The following COL28A1 variants were observed in gnomAD, a reference collection of about 807,000 sequenced individuals.
The protein encoded by COL28A1 is collagen alpha-1(XXVIII) chain.
Under a neutral mutation model 150.2 loss-of-function variants are expected in COL28A1, and 161 were observed. The observed-to-expected ratio is 1.07, with a 90% CI of 0.94 to 1.22. COL28A1 has a LOEUF of 1.22. COL28A1 is among the 50% of genes most tolerant of loss of function. COL28A1 has a pLI of 0.00. For synonymous variants in COL28A1, 552 were observed against 469.7 expected (o/e 1.18, Z -2.26); for missense variants, 1,617 against 1,388.3 (o/e 1.16, Z -2.62).
intron 27 of COL28A1, among the ~76,000 whole-genome samples, chr7:7,391,151 T>G (rs773962960): frequency 2.6e-5 from 4 of 152,238 alleles, no homozygotes; most frequent in Non-Finnish European, 5.9e-5. Flanking sequence ...GCTTTAGCTG[T>G]GGCTCAGAGA....
At chr7:7,367,534 G>A (rs532220547) in intron 33 of COL28A1, among the ~76,000 whole-genome samples, 3 of 152,230 alleles carry the variant, frequency 2.0e-5, no homozygotes, top group Admixed American at 6.5e-5. Flanking sequence ...TTCCCCTAGA[G>A]AGACCTAGCT....
chr7:7,443,932 G>T (rs1343350712), intron 19 of COL28A1, among the ~76,000 whole-genome samples: 1 of 148,014 alleles, frequency 6.8e-6, no homozygotes, highest in African/African-American at 2.5e-5. Flanking sequence ...CTCTTCATTC[G>T]CATTTGGTAG....
intron 30 of COL28A1, among the ~76,000 whole-genome samples, chr7:7,375,777 T>C (rs1417722132): frequency 6.6e-6 from 1 of 152,180 alleles, no homozygotes; most frequent in Non-Finnish European, 1.5e-5. Context: ...GCCCTAACAG[T>C]ATCTGTGTCT....
chr7:7,452,231 CAG>C (rs769241313), intron 18 of COL28A1, 86 bp downstream of exon 18: 1 of 1,537,830 alleles, frequency 6.5e-7, no homozygotes, highest in Non-Finnish European at 8.7e-7. Context: ...ATAACACACA[CAG>C]AGTCTGTAAG....
intron 18 of COL28A1, among the ~76,000 whole-genome samples, chr7:7,445,915 G>C (rs1436463517): frequency 1.3e-5 from 2 of 150,378 alleles, no homozygotes; most frequent in Non-Finnish European, 2.9e-5. Context: ...GGCTTGTTCA[G>C]TGGTATGATC....
intron 33 of COL28A1, among the ~76,000 whole-genome samples, chr7:7,363,027 A>T (rs961735078): frequency 2.0e-5 from 3 of 152,164 alleles, no homozygotes; most frequent in African/African-American, 7.2e-5. Flanking sequence ...AACTTTCCAA[A>T]AGTTATTGGT....
chr7:7,371,911 T>C (rs7798333), intron 32 of COL28A1, among the ~76,000 whole-genome samples: 137,035 of 151,850 alleles, frequency 0.9, 61,957 homozygotes, highest in East Asian at 1. Flanking sequence ...CGGCTCACTG[T>C]AACCTCCGCC....
chr7:7,358,906 G>A, intron 34 of COL28A1, 101 bp from the exon 35 acceptor site: 4 of 957,732 alleles, frequency 4.2e-6, no homozygotes, highest in Non-Finnish European at 6.0e-6. Context: ...TATTCTTCAT[G>A]CACACTAACA....
intron 15 of COL28A1, among the ~76,000 whole-genome samples, chr7:7,472,000 T>C (rs532147664): frequency 1.7e-4 from 26 of 152,256 alleles, no homozygotes; most frequent in East Asian, 7.7e-4. Flanking sequence ...CTCAGCAAAA[T>C]TGGCATACAA....
chr7:7,506,462 T>G (rs192433875), intron 10 of COL28A1, among the ~76,000 whole-genome samples: 6 of 152,332 alleles, frequency 3.9e-5, no homozygotes, highest in African/African-American at 9.6e-5. Context: ...TGCCTGGCTC[T>G]GACATTTCCA....
At chr7:7,474,386 A>G (rs1055541278) in intron 15 of COL28A1, among the ~76,000 whole-genome samples, 2 of 152,090 alleles carry the variant, frequency 1.3e-5, no homozygotes, top group African/African-American at 4.8e-5. Flanking sequence ...ACAAATCACC[A>G]CTAAAGAACT....
chr7:7,367,066 TA>T (rs2128281200), intron 33 of COL28A1, among the ~76,000 whole-genome samples: 1 of 152,328 alleles, frequency 6.6e-6, no homozygotes, highest in South Asian at 2.1e-4. Context: ...CCGATTATAA[TA>T]CTGTATTTTT....
intron 27 of COL28A1, among the ~76,000 whole-genome samples, chr7:7,400,977 T>G (rs73674523): frequency 0.054 from 2,604 of 48,394 alleles, 58 homozygotes; most frequent in African/African-American, 0.076. Context: ...GGTATTTGGG[T>G]GTGTGTGTGT....
At chr7:7,378,753 T>G (rs898963725) in intron 30 of COL28A1, among the ~76,000 whole-genome samples, 1 of 152,168 alleles carries the variant, frequency 6.6e-6, no homozygotes, top group Non-Finnish European at 1.5e-5. Context: ...CAACCTGACT[T>G]GTGTGTCTCC....
intron 26 of COL28A1, among the ~76,000 whole-genome samples, chr7:7,419,007 C>G (rs1006894773): frequency 6.6e-6 from 1 of 152,134 alleles, no homozygotes; most frequent in Non-Finnish European, 1.5e-5. Flanking sequence ...AGAATGGGCT[C>G]TAATTCACTT....
intron 27 of COL28A1, among the ~76,000 whole-genome samples, chr7:7,408,130 C>A (rs772106377): frequency 6.6e-6 from 1 of 152,028 alleles, no homozygotes; most frequent in African/African-American, 2.4e-5. Context: ...TTTCTTAGAG[C>A]AGGGTAGGCA....
chr7:7,535,631 A>G (rs544616899), intron 1 of COL28A1, 119 bp downstream of exon 1: 1 of 152,302 alleles, frequency 6.6e-6, no homozygotes, highest in African/African-American at 2.4e-5. Flanking sequence ...TGCAGAGAAT[A>G]CAAACTATTG....
At chr7:7,398,415 C>G (rs1782971490) in intron 27 of COL28A1, among the ~76,000 whole-genome samples, 1 of 152,132 alleles carries the variant, frequency 6.6e-6, no homozygotes. Flanking sequence ...TGAATATTTG[C>G]CAATAATCTC....
At chr7:7,359,564 AG>A (rs1780528244) in intron 34 of COL28A1, among the ~76,000 whole-genome samples, 2 of 152,198 alleles carry the variant, frequency 1.3e-5, no homozygotes, top group Non-Finnish European at 1.5e-5. Flanking sequence ...TTCCTACTTC[AG>A]GAAGTGATGC....
Sources: allele counts gnomAD v4.1 joint callset (sites outside exome capture counted in the v4.1 genomes callset), GRCh38; gene constraint gnomAD v4.1.1; transcripts MANE v1.5; gene names NCBI Gene and HGNC (gene_info 2026-07-23, HGNC 2026-07-21).